NFXL1: variants seen among roughly 807,000 people sequenced by gnomAD.
The protein encoded by NFXL1 is NF-X1-type zinc finger protein NFXL1.
A neutral mutation model predicts 123.3 loss-of-function variants in NFXL1; 66 were observed. The ratio of observed to expected loss-of-function variants is 0.54; its 90% CI spans 0.44 to 0.66. NFXL1 has a LOEUF of 0.66. Among genes scored for constraint, NFXL1 ranks in the 30% least tolerant of loss-of-function variants. The pLI, the probability that NFXL1 is intolerant of heterozygous loss-of-function variation, is 0.00. For missense variants in NFXL1, 944 were observed against 1,125.6 expected (o/e 0.84, Z 2.31); for synonymous variants, 346 against 360.8 (o/e 0.96, Z 0.46).
chr4:47,913,245 G>A (rs1337515110), intron 2 of NFXL1, among the ~76,000 whole-genome samples: 1 of 152,064 alleles, frequency 6.6e-6, no homozygotes, highest in Admixed American at 6.5e-5. Flanking sequence ...TATTCCCTCG[G>A]CCCCATGCAC....
At chr4:47,899,158 A>AT in intron 6 of NFXL1, 38 bp from the exon 7 acceptor site, 1 of 1,223,242 alleles carries the variant, frequency 8.2e-7, no homozygotes, top group Non-Finnish European at 1.1e-6. Context: ...AAAAAAAAAA[A>AT]AATCTAAAGT....
Position 47,914,510 on chromosome 4 carries a change from C to T in NFXL1, c.-148G>A. The T allele has an allele frequency of 3.1e-6, 1 of 325,696 alleles. No homozygotes were observed. The highest frequency in any genetic ancestry group is 8.8e-5 in the South Asian group (1 of 11,404). 20.2% of individuals were successfully genotyped at this position (325,696 alleles called of 1,614,324 possible). On this transcript the variant is annotated 5_prime_UTR_variant, in exon 1 of 23. Transcript: ENST00000507489. ...GGAGAAGTCGAAACCGCCTCCTCAG[C>T]CTCTGCGGGAGCGTGGTAGGGGAAG...
intron 12 of NFXL1, among the ~76,000 whole-genome samples, chr4:47,887,016 A>AT (rs1736475330): frequency 6.6e-6 from 1 of 152,156 alleles, no homozygotes; most frequent in East Asian, 1.9e-4. Flanking sequence ...AATCCCAAAT[A>AT]TTTCTCTTCT....
intron 17 of NFXL1, chr4:47,876,968 T>A: frequency 1.8e-6 from 1 of 547,820 alleles, no homozygotes; most frequent in Non-Finnish European, 2.8e-6. Context: ...TGAGCAAATA[T>A]TAGGCAGTGA....
At chr4:47,888,433 T>C (rs1313935078) in intron 12 of NFXL1, among the ~76,000 whole-genome samples, 1 of 152,202 alleles carries the variant, frequency 6.6e-6, no homozygotes, top group Non-Finnish European at 1.5e-5. Context: ...CTTTTATAAC[T>C]GTAGATGAAA....
chr4:47,859,686 C>CA (rs1449173069), intron 19 of NFXL1, among the ~76,000 whole-genome samples: 21 of 151,342 alleles, frequency 1.4e-4, no homozygotes, highest in Non-Finnish European at 7.4e-5. Flanking sequence ...ACTAAAAATA[C>CA]AAAAAATTTG....
intron 11 of NFXL1, among the ~76,000 whole-genome samples, chr4:47,893,513 T>C (rs2110092050): frequency 6.6e-6 from 1 of 152,106 alleles, no homozygotes; most frequent in African/African-American, 2.4e-5. Context: ...TACTACTTAT[T>C]GGAAAAAATG....
chr4:47,894,948 G>T (rs1426027285), intron 10 of NFXL1, among the ~76,000 whole-genome samples: 1 of 152,250 alleles, frequency 6.6e-6, no homozygotes, highest in East Asian at 1.9e-4. Flanking sequence ...TTAAAAAATA[G>T]AACTTGAAAG....
intron 10 of NFXL1, among the ~76,000 whole-genome samples, chr4:47,896,217 G>T (rs4695303): frequency 0.73 from 111,689 of 152,104 alleles, 41,245 homozygotes; most frequent in South Asian, 0.76. Context: ...ATTACCAAAT[G>T]TGACAGATAC....
At chr4:47,868,937 CA>C (rs2110055932) in intron 18 of NFXL1, among the ~76,000 whole-genome samples, 1 of 152,302 alleles carries the variant, frequency 6.6e-6, no homozygotes, top group Non-Finnish European at 1.5e-5. Flanking sequence ...AACACACTAA[CA>C]GGCTAGGCAT....
At chr4:47,885,049 C>G (rs57010305) in intron 14 of NFXL1, among the ~76,000 whole-genome samples, 13,845 of 151,480 alleles carry the variant, frequency 0.091, 975 homozygotes, top group East Asian at 0.31. Flanking sequence ...GTCACTGAAC[C>G]CGGGAGGTGG....
At chr4:47,895,201 T>C (rs1737014232) in intron 10 of NFXL1, among the ~76,000 whole-genome samples, 2 of 152,166 alleles carry the variant, frequency 1.3e-5, no homozygotes, top group Non-Finnish European at 2.9e-5. Flanking sequence ...GTTGTTCCAT[T>C]TGCAGAGCAT....
At chr4:47,893,973 CTA>C (rs1232094555) in intron 11 of NFXL1, among the ~76,000 whole-genome samples, 2 of 151,840 alleles carry the variant, frequency 1.3e-5, no homozygotes, top group African/African-American at 4.8e-5. Context: ...GGACAAGAAA[CTA>C]TTCTCATTTG....
intron 9 of NFXL1, 55 bp downstream of exon 9, chr4:47,897,912 T>G: frequency 8.8e-7 from 1 of 1,140,368 alleles, no homozygotes; most frequent in Non-Finnish European, 1.3e-6. Context: ...TTGAATGTCT[T>G]TTCATGGCTT....
At chr4:47,895,749 T>C (rs1737048328) in intron 10 of NFXL1, among the ~76,000 whole-genome samples, 1 of 152,250 alleles carries the variant, frequency 6.6e-6, no homozygotes. Flanking sequence ...CATTCCTGTA[T>C]TCACTGCAGT....
At chr4:47,850,999 A>G (rs1734086177) in intron 22 of NFXL1, 96 bp downstream of exon 22, 2 of 876,858 alleles carry the variant, frequency 2.3e-6, no homozygotes, top group Admixed American at 3.7e-5. Flanking sequence ...CACAATAGAG[A>G]CTAGACCTTA....
At chr4:47,904,183 C>T (rs1161418935) in intron 4 of NFXL1, among the ~76,000 whole-genome samples, 1 of 152,146 alleles carries the variant, frequency 6.6e-6, no homozygotes, top group African/African-American at 2.4e-5. Flanking sequence ...CTAAGGGCCA[C>T]AGAAGCTCAA....
At chr4:47,898,691 C>T in intron 8 of NFXL1, 66 bp downstream of exon 8, 1 of 1,064,248 alleles carries the variant, frequency 9.4e-7, no homozygotes, top group South Asian at 1.3e-5. Context: ...AGCCTTGCTG[C>T]TTTCTAGGTT....
chr4:47,914,262 A>G, intron 1 of NFXL1, 57 bp from the exon 2 acceptor site: 1 of 1,308,276 alleles, frequency 7.6e-7, no homozygotes, highest in African/African-American at 1.5e-5. Flanking sequence ...GCGAGGACCG[A>G]GGCGAAGGAG....
Sources: allele counts gnomAD v4.1 joint callset (sites outside exome capture counted in the v4.1 genomes callset), GRCh38; gene constraint gnomAD v4.1.1; transcripts MANE v1.5; gene names NCBI Gene and HGNC (gene_info 2026-07-23, HGNC 2026-07-21).